GRM4: variants seen among roughly 807,000 people sequenced by gnomAD.
GRM4 encodes glutamate metabotropic receptor 4, also known as metabotropic glutamate receptor 4.
A neutral mutation model predicts 81.7 loss-of-function variants in GRM4; 28 were observed. The ratio of observed to expected loss-of-function variants is 0.34; its 90% CI spans 0.25 to 0.47. GRM4 has a LOEUF of 0.47. Ranked by LOEUF, GRM4 falls within the 20% of genes least tolerant of loss-of-function variation. GRM4 has a pLI of 1.00. For missense variants in GRM4, 948 were observed against 1,290.0 expected (o/e 0.73, Z 4.06); for synonymous variants, 488 against 528.8 (o/e 0.92, Z 1.06).
chr6:34,040,671 T>C lies in GRM4; in HGVS notation c.1246A>G (p.Met416Val). 1 of 1,614,122 alleles carries C rather than the reference T, an allele frequency of 6.2e-7. No homozygotes were observed. Among genetic ancestry groups the C allele is most frequent in the Middle Eastern group, 1.6e-4 (1 of 6,062 alleles). The change falls in exon 7 of 11, where the codon ATG (methionine) becomes GTG (valine). Residue 416 changes from methionine (M) to valine (V), a missense_variant. By Grantham distance (21) the Met-to-Val change is conservative. Transcript: ENST00000538487. ...TGCATGGCGTGCAGCGCGTGGCCCATGGCGTACACGGCATCGATCACAAAC... is the reference window on the plus strand; with the variant it reads ...TGCATGGCGTGCAGCGCGTGGCCCACGGCGTACACGGCATCGATCACAAAC... ...VQFVIDAVYA[M>V]GHALHAMHRD...
chr6:34,081,724 G>T (rs190733186), intron 3 of GRM4, among the ~76,000 whole-genome samples: 1 of 151,970 alleles, frequency 6.6e-6, no homozygotes, highest in African/African-American at 2.4e-5. Flanking sequence ...GGTGGGAAGC[G>T]CTGGGTGGTG....
chr6:34,138,750 C>T (rs1255088174), intron 1 of GRM4, among the ~76,000 whole-genome samples: 1 of 152,200 alleles, frequency 6.6e-6, no homozygotes, highest in African/African-American at 2.4e-5. Context: ...CCTCCTCGTG[C>T]TGACCTCTGC....
In GRM4 at chr6:34,069,484, CT is replaced by C. The variant is rs1766677253; in HGVS notation, c.737-7457del. On this transcript the variant is annotated intron_variant, in intron 3 of 10. Transcript: ENST00000538487. This position sits in a 1 kb window ranked among gnomAD's most constrained non-coding sequence, Gnocchi z 6.4. ...GAGCTGGGTGCGGGACACACGAGGGCTGGGCTGGCTCCAGCTGGATCTGGGA... is the reference window on the plus strand; with the variant it reads ...GAGCTGGGTGCGGGACACACGAGGGCGGGCTGGCTCCAGCTGGATCTGGGA... Among the ~76,000 whole-genome samples the C allele has an allele frequency of 6.6e-6, 1 of 152,180 alleles. No individual in the cohort carries two copies. The highest frequency in any genetic ancestry group is 1.5e-5 in the Non-Finnish European group (1 of 68,016).
At chr6:34,124,552 G>A (rs551496478) in intron 2 of GRM4, among the ~76,000 whole-genome samples, 2 of 152,318 alleles carry the variant, frequency 1.3e-5, no homozygotes, top group African/African-American at 2.4e-5. Flanking sequence ...AGTTCACTTC[G>A]AGGGGTGGTT....
In GRM4 at chr6:34,020,505, T is replaced by G. The variant is rs1763831993; in HGVS notation, c.*2316A>C. 1 of 152,002 alleles carries G rather than the reference T, an allele frequency of 6.6e-6. No individual in the cohort carries two copies. Among genetic ancestry groups the G allele is most frequent in the Non-Finnish European group, 1.5e-5 (1 of 68,034 alleles). The allele number at this position is 152,002 out of a possible 1,614,324, so 9.4% of individuals were successfully genotyped here. A position where few individuals can be genotyped will look rare whatever the true frequency, so the allele number is the denominator to read the frequency against. On this transcript the variant is annotated 3_prime_UTR_variant, in exon 11 of 11. Coordinates refer to ENST00000538487, the MANE Select transcript of GRM4 (RefSeq NM_000841.4). ...CTGGGGGAGAGCTGGCTGCACCCGC[T>G]TCTGCATTCCCCATCCCTACCCCCC...
intron 3 of GRM4, among the ~76,000 whole-genome samples, chr6:34,082,361 G>A (rs2127479321): frequency 6.6e-6 from 1 of 152,352 alleles, no homozygotes; most frequent in Admixed American, 6.5e-5. Context: ...TCCCCACTGG[G>A]CCCAAGAACA....
rs562791195 is a variant in GRM4, at chr6:34,064,744, T to C, written c.737-2716A>G. Among the ~76,000 whole-genome samples, 15 of 152,312 alleles carry C rather than the reference T, an allele frequency of 9.8e-5. No homozygotes were observed. Among genetic ancestry groups the C allele is most frequent in the African/African-American group, 3.6e-4 (15 of 41,544 alleles). ...CCTCAACTGCTCTCTTGGTGCCTGC[T>C]GCAGCCAGAGAAGACCAGAGCGGCC... On this transcript the variant is annotated intron_variant, in intron 3 of 10. Transcript: ENST00000538487. The surrounding 1 kb of genome is among the most constrained non-coding windows in gnomAD (Gnocchi z 4.4).
In GRM4 at chr6:34,019,114, G is replaced by C. The variant is rs1407734687; in HGVS notation, c.*3707C>G. 4.6e-5 allele frequency: 7 copies of C among 152,396 alleles called. No homozygotes were observed. The highest frequency in any genetic ancestry group is 1.4e-4 in the African/African-American group (6 of 41,458). The allele number at this position is 152,396 out of a possible 1,614,324, so 9.4% of individuals were successfully genotyped here. On this transcript the variant is annotated 3_prime_UTR_variant, in exon 11 of 11. Transcript: ENST00000538487. Reference sequence around the variant, plus strand: ...GCAGTGTGGGGGCAGCTGGCATGTGGCCCACTGAGACCTCTGTCCTGCCTG... The same window carrying C: ...GCAGTGTGGGGGCAGCTGGCATGTGCCCCACTGAGACCTCTGTCCTGCCTG...
rs565701652 is a variant in GRM4, at chr6:34,091,801, G to A, written c.736+82C>T. 8.8e-6 allele frequency: 9 copies of A among 1,020,524 alleles called. No individual in the cohort carries two copies. The African/African-American group carries it at 1.1e-4, about 13-fold the overall frequency. 63.2% of individuals were successfully genotyped at this position (1,020,524 alleles called of 1,614,324 possible). ...CAGTCAGAGCCTGTATCAGGCCCCG[G>A]CTGGGAGCTCCTGGTGGGTCAGTCA... On this transcript the variant is annotated intron_variant, in intron 3 of 10. Coordinates refer to ENST00000538487, the MANE Select transcript of GRM4 (RefSeq NM_000841.4).
At chr6:34,088,064 C>T (rs1287264133) in intron 3 of GRM4, among the ~76,000 whole-genome samples, 3 of 152,108 alleles carry the variant, frequency 2.0e-5, no homozygotes, top group Non-Finnish European at 4.4e-5. Flanking sequence ...GGCAGCCAGA[C>T]CCTGACAAAC....
intron 2 of GRM4, among the ~76,000 whole-genome samples, chr6:34,099,778 T>A (rs1005396182): frequency 2.6e-5 from 4 of 152,160 alleles, no homozygotes; most frequent in Non-Finnish European, 5.9e-5. Flanking sequence ...GGCAGGGGAC[T>A]GTGTGGGCAC....
chr6:34,053,976 A>T (rs569037403), intron 6 of GRM4, among the ~76,000 whole-genome samples: 1 of 151,852 alleles, frequency 6.6e-6, no homozygotes, highest in South Asian at 2.1e-4. Context: ...CTCCCAGGTG[A>T]CTCTAACGCA....
chr6:34,144,764 G>T (rs1427115808), intron 1 of GRM4, among the ~76,000 whole-genome samples: 3 of 152,182 alleles, frequency 2.0e-5, no homozygotes, highest in Non-Finnish European at 4.4e-5. Flanking sequence ...CCACCTGAAA[G>T]CTGGCACGAC....
Position 34,084,609 on chromosome 6 carries a change from C to T in GRM4, c.736+7274G>A, listed in dbSNP as rs549514989. Among the ~76,000 whole-genome samples, 11 of 152,254 alleles carry T rather than the reference C, an allele frequency of 7.2e-5. No individual in the cohort carries two copies. In the South Asian group the frequency reaches 8.3e-4, roughly 11 times the overall value. ...GTGGAGATGGTCAGCCAAGCCAGCG[C>T]GACCCCAGCACGACCCCAAGTGCCA... On this transcript the variant is annotated intron_variant, in intron 3 of 10. Transcript: ENST00000538487.
At chr6:34,138,010 G>A (rs536629426) in intron 1 of GRM4, among the ~76,000 whole-genome samples, 1 of 152,124 alleles carries the variant, frequency 6.6e-6, no homozygotes, top group South Asian at 2.1e-4. Flanking sequence ...ACAACAACCG[G>A]ATCCGAAGAG....
chr6:34,075,216 T>G (rs1198398460), intron 3 of GRM4, among the ~76,000 whole-genome samples: 2 of 152,278 alleles, frequency 1.3e-5, no homozygotes, highest in African/African-American at 4.8e-5. Context: ...CTGAGGATAC[T>G]GGAGGAGCCA....
intron 5 of GRM4, 128 bp from the exon 6 acceptor site, chr6:34,056,812 G>C (rs1765920721): frequency 9.7e-7 from 1 of 1,034,932 alleles, no homozygotes. Flanking sequence ...CACATCCTCT[G>C]ATCCAGGAGA....
In GRM4 at chr6:34,128,535, G is replaced by A. The variant is rs573591879; in HGVS notation, c.519+4443C>T. On this transcript the variant is annotated intron_variant, in intron 2 of 10. Transcript: ENST00000538487. ...TGGGATTACAGGTAACTGCCACCACGCCCAGCTAATTATTGTATTTTTAGT... is the reference window on the plus strand; with the variant it reads ...TGGGATTACAGGTAACTGCCACCACACCCAGCTAATTATTGTATTTTTAGT... 8.6e-5 allele frequency among the ~76,000 whole-genome samples: 13 copies of A among 151,634 alleles called. No homozygotes were observed. The South Asian group carries it at 1.2e-3, about 15-fold the overall frequency.
At position 34,090,836 on chromosome 6, in the gene GRM4, A is replaced by T. The variant is rs1432038099; in HGVS notation, c.736+1047T>A. Among the ~76,000 whole-genome samples, 2 of 152,142 alleles carry T rather than the reference A, an allele frequency of 1.3e-5. No homozygotes were observed. The highest frequency in any genetic ancestry group is 4.8e-5 in the African/African-American group (2 of 41,424). ...AGGGTATAAATATACAGACGCCATCACCCAAGGTCTCGGGCACTGGTGAGC... is the reference window on the plus strand; with the variant it reads ...AGGGTATAAATATACAGACGCCATCTCCCAAGGTCTCGGGCACTGGTGAGC... On this transcript the variant is annotated intron_variant, in intron 3 of 10. Coordinates refer to ENST00000538487, the MANE Select transcript of GRM4 (RefSeq NM_000841.4). The surrounding 1 kb of genome is among the most constrained non-coding windows in gnomAD (Gnocchi z 5.2).
Sources: allele counts gnomAD v4.1 joint callset (sites outside exome capture counted in the v4.1 genomes callset), GRCh38; gene constraint gnomAD v4.1.1; non-coding constraint Gnocchi (gnomAD v3.1); transcripts MANE v1.5; gene names NCBI Gene and HGNC (gene_info 2026-07-23, HGNC 2026-07-21).